Variants in NTNG1 observed in about 807,000 individuals in gnomAD.
The protein encoded by NTNG1 is netrin G1.
A neutral mutation model predicts 54.0 loss-of-function variants in NTNG1; 16 were observed. The observed-to-expected ratio is 0.30, with a 90% CI of 0.20 to 0.45. The LOEUF (loss-of-function observed/expected upper bound fraction) is 0.45, where lower values mean the gene tolerates loss of function less well. Ranked by LOEUF, NTNG1 falls within the 20% of genes least tolerant of loss-of-function variation. The pLI is 1.00. For missense variants in NTNG1, 530 were observed against 678.7 expected, an observed-to-expected ratio of 0.78 and a Z score of 2.43; for synonymous variants, 255 against 263.1, an observed-to-expected ratio of 0.97 and a Z score of 0.30.
chr1:107,295,932 G>A (rs1665917784), intron 2 of NTNG1, among the ~76,000 whole-genome samples: 1 of 152,000 alleles, frequency 6.6e-6, no homozygotes, highest in South Asian at 2.1e-4. Context: ...ACCACTTTCA[G>A]TCTCTTGTAA....
intron 2 of NTNG1, among the ~76,000 whole-genome samples, chr1:107,290,889 G>T (rs1665536907): frequency 6.7e-6 from 1 of 149,900 alleles, no homozygotes; most frequent in Non-Finnish European, 1.5e-5. Context: ...AAGACCAGAT[G>T]GGTTACTCAA....
At chr1:107,358,973 C>T (rs1670103527) in intron 3 of NTNG1, among the ~76,000 whole-genome samples, 1 of 152,142 alleles carries the variant, frequency 6.6e-6, no homozygotes, top group Admixed American at 6.6e-5. Flanking sequence ...ATCATTGTCT[C>T]ACAAAAAAAT....
At chr1:107,269,581 A>G (rs934794200) in intron 2 of NTNG1, among the ~76,000 whole-genome samples, 2 of 152,196 alleles carry the variant, frequency 1.3e-5, no homozygotes, top group Admixed American at 6.5e-5. Context: ...CAATACCTAG[A>G]ATAACATCTG....
intron 1 of NTNG1, 180 bp downstream of exon 1, chr1:107,141,320 T>C (rs1653667757): frequency 6.7e-6 from 1 of 150,086 alleles, no homozygotes; most frequent in African/African-American, 2.4e-5. Flanking sequence ...CCGCGGGAGC[T>C]GCCGCCCTCC....
intron 5 of NTNG1, chr1:107,409,062 C>G (rs1342033049): frequency 3.3e-5 from 5 of 152,180 alleles, no homozygotes; most frequent in African/African-American, 1.2e-4. Flanking sequence ...TTAGAGATAC[C>G]AGCCTAATGC....
chr1:107,311,133 A>T (rs1237045547), intron 2 of NTNG1, among the ~76,000 whole-genome samples: 2 of 152,176 alleles, frequency 1.3e-5, no homozygotes. Flanking sequence ...AATTTTTTCA[A>T]GACTTTTCCC....
At chr1:107,174,887 T>C (rs1304915716) in intron 2 of NTNG1, among the ~76,000 whole-genome samples, 1 of 152,102 alleles carries the variant, frequency 6.6e-6, no homozygotes, top group Non-Finnish European at 1.5e-5. Context: ...TCACTAATAA[T>C]GACTGGTTGA....
intron 2 of NTNG1, among the ~76,000 whole-genome samples, chr1:107,204,794 C>G (rs78942936): frequency 2.0e-5 from 3 of 152,080 alleles, no homozygotes; most frequent in Non-Finnish European, 4.4e-5. Flanking sequence ...GCCTCCTACC[C>G]GCACCCCTGC....
chr1:107,278,421 T>C (rs920061924), intron 2 of NTNG1, among the ~76,000 whole-genome samples: 2 of 152,222 alleles, frequency 1.3e-5, no homozygotes, highest in Non-Finnish European at 2.9e-5. Flanking sequence ...TAGATGATTC[T>C]TTTATTCCTT....
chr1:107,409,290 C>T (rs1673645063), intron 5 of NTNG1: 1 of 152,128 alleles, frequency 6.6e-6, no homozygotes, highest in Admixed American at 6.5e-5. Context: ...AGCAAGCTGA[C>T]ACAGATTATT....
chr1:107,304,127 A>T (rs901622008), intron 2 of NTNG1, among the ~76,000 whole-genome samples: 3 of 152,148 alleles, frequency 2.0e-5, no homozygotes, highest in Admixed American at 6.5e-5. Context: ...TTCAAGACAA[A>T]TCAAAAGATT....
At chr1:107,345,976 C>G (rs1557918545) in intron 3 of NTNG1, among the ~76,000 whole-genome samples, 1 of 152,058 alleles carries the variant, frequency 6.6e-6, no homozygotes. Context: ...CCTAATGTAT[C>G]AGAAAAGGTA....
chr1:107,460,085 G>T (rs1408319705), intron 7 of NTNG1, among the ~76,000 whole-genome samples: 2 of 152,088 alleles, frequency 1.3e-5, no homozygotes, highest in African/African-American at 4.8e-5. Context: ...GTCAGGAAAG[G>T]AAAACCTCTA....
chr1:107,327,186 C>T (rs1013253309), intron 3 of NTNG1, among the ~76,000 whole-genome samples: 1 of 152,168 alleles, frequency 6.6e-6, no homozygotes, highest in Non-Finnish European at 1.5e-5. Context: ...CACCTCCAGA[C>T]TTTGTCCAAA....
chr1:107,249,083 C>T (rs141205367), intron 2 of NTNG1, among the ~76,000 whole-genome samples: 4,573 of 148,784 alleles, frequency 0.031, 216 homozygotes, highest in African/African-American at 0.11. Context: ...CACTTGAACC[C>T]GGGAGGTGGG....
At chr1:107,197,544 C>T (rs1303823018) in intron 2 of NTNG1, among the ~76,000 whole-genome samples, 1 of 151,894 alleles carries the variant, frequency 6.6e-6, no homozygotes, top group African/African-American at 2.4e-5. Context: ...TCAGATGCCA[C>T]CTTGGCTACT....
chr1:107,368,614 C>A (rs905964722), intron 3 of NTNG1, among the ~76,000 whole-genome samples: 4 of 152,168 alleles, frequency 2.6e-5, no homozygotes, highest in African/African-American at 9.7e-5. Context: ...TATGTAACAG[C>A]ATTCTTCTGA....
At chr1:107,414,744 A>T (rs1674084676) in intron 5 of NTNG1, among the ~76,000 whole-genome samples, 1 of 152,214 alleles carries the variant, frequency 6.6e-6, no homozygotes, top group African/African-American at 2.4e-5. Context: ...GCTCACTATG[A>T]TGCCAAGCAA....
At chr1:107,257,603 G>GAATTGTA (rs1663012522) in intron 2 of NTNG1, among the ~76,000 whole-genome samples, 1 of 152,156 alleles carries the variant, frequency 6.6e-6, no homozygotes, top group African/African-American at 2.4e-5. Flanking sequence ...AATTGATTGT[G>GAATTGTA]AATATATCCA....
Sources: allele counts gnomAD v4.1 joint callset (sites outside exome capture counted in the v4.1 genomes callset), GRCh38; gene constraint gnomAD v4.1.1; transcripts MANE v1.5; gene names NCBI Gene and HGNC (gene_info 2026-07-23, HGNC 2026-07-21).